The following FAAH2 variants were observed in gnomAD, a reference collection of about 807,000 sequenced individuals.
FAAH2 encodes fatty-acid amide hydrolase 2.
FAAH2 carries 60 observed loss-of-function variants against 36.9 expected under a neutral mutation model. That is an observed-to-expected ratio of 1.63 (90% CI 1.32 to 2.02). The LOEUF (loss-of-function observed/expected upper bound fraction) is 2.02. Among genes scored for constraint, FAAH2 ranks in the 30% most tolerant of loss-of-function variants. The probability of loss-of-function intolerance (pLI) is 0.00; values close to 1 mark genes in which losing one functional copy is unlikely to be tolerated. For synonymous variants in FAAH2, 214 were observed against 143.8 expected (o/e 1.49, Z -3.49); for missense variants, 689 against 397.5 (o/e 1.73, Z -6.23).
At chrX:57,422,558 C>T (rs183074558) in intron 7 of FAAH2, among the ~76,000 whole-genome samples, 1 of 111,741 alleles carries the variant, frequency 8.9e-6, no homozygotes, top group East Asian at 2.8e-4. Context: ...TCACTGTACA[C>T]GCTGTGAAAT....
intron 10 of FAAH2, among the ~76,000 whole-genome samples, chrX:57,486,228 A>G (rs183792943): frequency 1.8e-3 from 200 of 111,659 alleles, no homozygotes; most frequent in Middle Eastern, 4.6e-3. Flanking sequence ...GCCACCTGGG[A>G]CAAGACACAT....
chrX:57,225,992 G>A, the FAAH2 span, among the ~76,000 whole-genome samples: 1 of 112,111 alleles, frequency 8.9e-6, no homozygotes, highest in African/African-American at 3.2e-5. Flanking sequence ...TGCATGAAAT[G>A]CCTTTTTGTA....
chrX:57,139,669 T>C, the FAAH2 span, among the ~76,000 whole-genome samples: 1 of 111,423 alleles, frequency 9.0e-6, no homozygotes, highest in African/African-American at 3.3e-5. Flanking sequence ...TTAGCCAGGA[T>C]GGTCTCGATC....
chrX:57,173,538 CT>C, the FAAH2 span, among the ~76,000 whole-genome samples: 1 of 111,782 alleles, frequency 8.9e-6, no homozygotes, highest in Admixed American at 9.5e-5. Context: ...GGTAGTTTGA[CT>C]TTTTGTCCTA....
chrX:57,462,173 A>G (rs969923045), intron 10 of FAAH2, among the ~76,000 whole-genome samples: 11 of 106,573 alleles, frequency 1.0e-4, no homozygotes, highest in African/African-American at 3.7e-4. Context: ...TACAAAAAAA[A>G]AAAAAAAAAA....
At chrX:57,242,262 C>G in the FAAH2 span, among the ~76,000 whole-genome samples, 1 of 112,434 alleles carries the variant, frequency 8.9e-6, no homozygotes, top group Non-Finnish European at 1.9e-5. Context: ...GATGAAGGAG[C>G]AGGCAGCAGT....
the FAAH2 span, among the ~76,000 whole-genome samples, chrX:57,250,122 G>T: frequency 1.8e-5 from 2 of 111,960 alleles, no homozygotes; most frequent in South Asian, 7.5e-4. Context: ...TTGCAAAAGT[G>T]ATTGGAACCA....
the FAAH2 span, among the ~76,000 whole-genome samples, chrX:57,177,996 A>C: frequency 9.0e-6 from 1 of 110,652 alleles, no homozygotes; most frequent in Non-Finnish European, 1.9e-5. Flanking sequence ...CCAAACTACT[A>C]TATCTTTAAA....
intron 7 of FAAH2, among the ~76,000 whole-genome samples, chrX:57,416,013 T>G (rs1375294748): frequency 9.0e-6 from 1 of 111,594 alleles, no homozygotes; most frequent in African/African-American, 3.3e-5. Context: ...TCTTTGTTGG[T>G]TTAAAATCTG....
intron 5 of FAAH2, among the ~76,000 whole-genome samples, chrX:57,371,792 A>G (rs757321798): frequency 4.8e-4 from 53 of 111,498 alleles, no homozygotes; most frequent in Non-Finnish European, 7.6e-5. Flanking sequence ...CACCATTAAC[A>G]CTTTCCCTTT....
chrX:57,138,422 A>T, the FAAH2 span, among the ~76,000 whole-genome samples: 7 of 107,367 alleles, frequency 6.5e-5, no homozygotes, highest in South Asian at 3.8e-4. Flanking sequence ...ATATTTTATT[A>T]TATATATATA....
Position 57,455,641 on chromosome X carries a change from T to C in FAAH2, c.1423+6923T>C, listed in dbSNP as rs967665521. Among the ~76,000 whole-genome samples the C allele has an allele frequency of 1.1e-4, 12 of 111,348 alleles. 1 individual carries two copies. Among genetic ancestry groups the C allele is most frequent in the African/African-American group, 3.9e-4 (12 of 30,681 alleles). On this transcript the variant is annotated intron_variant, in intron 10 of 10. Coordinates refer to ENST00000374900, the MANE Select transcript of FAAH2 (RefSeq NM_174912.4). ...AATAGAAAACAACAACAACAAAAGA[T>C]CAGGAGTCATTATTCTTACATTAGA... is the stretch of plus-strand genomic sequence containing the variant.
At chrX:57,427,593 G>A (rs1954749014) in intron 7 of FAAH2, among the ~76,000 whole-genome samples, 2 of 111,273 alleles carry the variant, frequency 1.8e-5, no homozygotes, top group African/African-American at 6.5e-5. Flanking sequence ...ATGAAAGGAT[G>A]GTTCAACATA....
the FAAH2 span, chrX:57,135,780 T>C: frequency 1.8e-5 from 21 of 1,166,008 alleles, no homozygotes; most frequent in South Asian, 4.1e-5. Context: ...CTACAAATTA[T>C]ACATTTGTTT....
chrX:57,226,318 T>A, the FAAH2 span, among the ~76,000 whole-genome samples: 2 of 112,354 alleles, frequency 1.8e-5, no homozygotes, highest in Non-Finnish European at 3.8e-5. Context: ...AGAGCTTCTT[T>A]TAGAAGTTCT....
intron 10 of FAAH2, among the ~76,000 whole-genome samples, chrX:57,457,620 A>G (rs1395043841): frequency 6.4e-5 from 7 of 109,990 alleles, no homozygotes; most frequent in Admixed American, 4.9e-4. Context: ...ACCAATGTAC[A>G]AAAATCCTAA....
At chrX:57,211,269 A>G in the FAAH2 span, among the ~76,000 whole-genome samples, 2 of 112,076 alleles carry the variant, frequency 1.8e-5, no homozygotes, top group South Asian at 7.4e-4. Flanking sequence ...AGCCCAAGCC[A>G]TCTCTCTTTC....
intron 2 of FAAH2, among the ~76,000 whole-genome samples, chrX:57,294,625 CT>C (rs1220449081): frequency 2.7e-5 from 3 of 112,280 alleles, no homozygotes; most frequent in Non-Finnish European, 1.9e-5. Flanking sequence ...CGGAACTACT[CT>C]ATTTCTCCTG....
chrX:57,261,892 A>T, the FAAH2 span, among the ~76,000 whole-genome samples: 2 of 111,554 alleles, frequency 1.8e-5, no homozygotes, highest in Admixed American at 1.9e-4. Context: ...TGTTGCAAGA[A>T]AGAAATTAGA....
Sources: allele counts gnomAD v4.1 joint callset (sites outside exome capture counted in the v4.1 genomes callset), GRCh38; gene constraint gnomAD v4.1.1; transcripts MANE v1.5; gene names NCBI Gene and HGNC (gene_info 2026-07-23, HGNC 2026-07-21).